CCT4: variants seen among roughly 807,000 people sequenced by gnomAD.
CCT4 encodes the protein chaperonin containing TCP1 subunit 4.
A neutral mutation model predicts 62.5 loss-of-function variants in CCT4; 17 were observed. The observed-to-expected ratio is 0.27, with a 90% CI of 0.19 to 0.41. The LOEUF is 0.41. Among genes scored for constraint, CCT4 ranks in the 10% least tolerant of loss-of-function variants. The pLI is 1.00. For missense variants in CCT4, 592 were observed against 659.2 expected (o/e 0.90, Z 1.12); for synonymous variants, 250 against 229.9 (o/e 1.09, Z -0.79).
intron 3 of CCT4, among the ~76,000 whole-genome samples, chr2:61,881,936 C>CTT (rs10582574): frequency 2.1e-5 from 3 of 141,806 alleles, no homozygotes; most frequent in Admixed American, 7.1e-5. Context: ...ATAGAAGTTC[C>CTT]TTTTTTTTTT....
rs1214663473 is a variant in CCT4 at position 61,872,199 on chromosome 2, C to T, written c.1374G>A (p.Met458Ile). 2 of 1,613,922 alleles carry T rather than the reference C, an allele frequency of 1.2e-6. No individual in the cohort carries two copies. Among genetic ancestry groups the T allele is most frequent in the Non-Finnish European group, 1.7e-6 (2 of 1,179,856 alleles). Residue 458 changes from methionine to isoleucine, a missense_variant, in exon 12 of 14, where the codon ATG (methionine) becomes ATA (isoleucine). Physicochemically the swap from Met to Ile is conservative, Grantham distance 10. Coordinates refer to ENST00000394440, the MANE Select transcript of CCT4 (RefSeq NM_006430.4). ...SYCVRAFADA[M>I]EVIPSTLAEN... is the part of the protein sequence containing the mutation. ...CAGCTAGTGTAGATGGAATGACCTC[C>T]ATAGCATCTGCAAAAGCACGAACGC... is the stretch of plus-strand genomic sequence containing the variant.
intron 12 of CCT4, 75 bp downstream of exon 12, chr2:61,872,007 A>G: frequency 9.8e-7 from 1 of 1,017,038 alleles, no homozygotes; most frequent in African/African-American, 1.6e-5. Context: ...AGAGCTTTCC[A>G]TTCAACAGAT....
chr2:61,873,121 AAC>A lies in CCT4; in HGVS notation c.1015-11_1015-10del, dbSNP rs759535015. ...GGCTTGGTTCCAATTGTCTGGAAAA[AAC>A]AGTCAAATCCACAAATTAAGACATT... On this transcript the variant is annotated splice_polypyrimidine_tract_variant and intron_variant, in intron 9 of 13. Transcript: ENST00000394440. 89 of 1,565,692 alleles carry A rather than the reference AAC, an allele frequency of 5.7e-5. No homozygotes were observed. In the Admixed American group the frequency reaches 6.7e-4, roughly 12 times the overall value.
intron 6 of CCT4, 100 bp from the exon 7 acceptor site, chr2:61,877,152 G>T: frequency 8.9e-7 from 1 of 1,117,506 alleles, no homozygotes; most frequent in South Asian, 1.5e-5. Context: ...AATAAAATAT[G>T]ATTCAGCCTC....
At chr2:61,881,733 T>C (rs1012687102) in intron 3 of CCT4, among the ~76,000 whole-genome samples, 1 of 152,140 alleles carries the variant, frequency 6.6e-6, no homozygotes, top group Non-Finnish European at 1.5e-5. Flanking sequence ...TTTTTCCTCA[T>C]AAAAATCTTC....
intron 2 of CCT4, among the ~76,000 whole-genome samples, chr2:61,884,307 CTTTT>C (rs1020446494): frequency 6.6e-5 from 10 of 151,280 alleles, no homozygotes; most frequent in African/African-American, 2.4e-4. Flanking sequence ...ACACTTTTTA[CTTTT>C]TTTTTGGTTT....
chr2:61,871,785 T>C (rs1180066458), intron 12 of CCT4, among the ~76,000 whole-genome samples: 2 of 152,232 alleles, frequency 1.3e-5, no homozygotes, highest in Non-Finnish European at 2.9e-5. Flanking sequence ...AACAGGCCTA[T>C]GAGGGAACTA....
In CCT4 at chr2:61,888,549, T is replaced by C. The variant is rs1364053195; in HGVS notation, c.-42A>G. 5 of 1,594,682 alleles carry C rather than the reference T, an allele frequency of 3.1e-6. No individual in the cohort carries two copies. The highest frequency in any genetic ancestry group is 1.1e-5 in the South Asian group (1 of 89,970). On this transcript the variant is annotated 5_prime_UTR_variant, in exon 1 of 14. Transcript: ENST00000394440. The stretch of plus-strand genomic sequence containing the variant: ...TCTGGGTTGGCTCGGGAAGGACGGA[T>C]GGACCCGGATTCTGGCCGGCCGCAG...
rs1669086952 is a variant in CCT4 at position 61,880,340 on chromosome 2, C to T, written c.325G>A (p.Val109Ile). ...DIEAGDGTTS[V>I]VIIAGSLLDS... ...AAGAGGGAGCCAGCAATGATGACTA[C>T]TGATGTGGTGCCATCTCCTGCTTCT... The change falls in exon 4 of 14, where the codon GTA becomes ATA. Residue 109 changes from valine to isoleucine, a missense_variant. Around this residue, in one of 3 missense-constraint regions of CCT4, gnomAD observed 522 missense variants for 571.2 expected, o/e 0.91. Coordinates refer to ENST00000394440, the MANE Select transcript of CCT4 (RefSeq NM_006430.4). The T allele has an allele frequency of 5.0e-6, 8 of 1,608,750 alleles. No homozygotes were observed. Among genetic ancestry groups the T allele is most frequent in the Non-Finnish European group, 5.9e-6 (7 of 1,178,596 alleles).
Position 61,869,073 on chromosome 2 carries a change from C to T in CCT4, c.1605+367G>A, listed in dbSNP as rs182223803. Among the ~76,000 whole-genome samples, 28 of 138,646 alleles carry T rather than the reference C, an allele frequency of 2.0e-4. No individual in the cohort carries two copies. The East Asian group carries it at 5.6e-3, about 28-fold the overall frequency. 91.0% of individuals were successfully genotyped at this position (138,646 alleles called of 152,430 possible). Reference sequence around the variant, plus strand: ...AAGAGAATCGCTTGAACCCAGGAGGCGGAGGTTGCAATGAGCCGAGATCAT... The same window carrying T: ...AAGAGAATCGCTTGAACCCAGGAGGTGGAGGTTGCAATGAGCCGAGATCAT... On this transcript the variant is annotated intron_variant, in intron 13 of 13. Coordinates refer to ENST00000394440, the MANE Select transcript of CCT4 (RefSeq NM_006430.4).
Position 61,876,263 on chromosome 2 carries a change from C to A in CCT4, c.778-29G>T, listed in dbSNP as rs922101450. 7 of 1,526,662 alleles carry A rather than the reference C, an allele frequency of 4.6e-6. No homozygotes were observed. In the African/African-American group the frequency reaches 8.3e-5, roughly 18 times the overall value. 94.6% of individuals were successfully genotyped at this position (1,526,662 alleles called of 1,614,324 possible). A position where few individuals can be genotyped will look rare whatever the true frequency, so the allele number is the denominator to read the frequency against. On this transcript the variant is annotated intron_variant, in intron 7 of 13. Transcript: ENST00000394440. Reference sequence around the variant, plus strand: ...TTCAGAAAAAGAACATCATAATTTGCATTGTAAGATATTTTAAGTTTAAAA... The same window carrying A: ...TTCAGAAAAAGAACATCATAATTTGAATTGTAAGATATTTTAAGTTTAAAA...
At chr2:61,870,301 A>C (rs989678712) in intron 12 of CCT4, among the ~76,000 whole-genome samples, 5 of 152,078 alleles carry the variant, frequency 3.3e-5, no homozygotes, top group African/African-American at 9.7e-5. Flanking sequence ...ACAAAATATT[A>C]TCTCTTTAAT....
chr2:61,869,408 C>T (rs776649519), intron 13 of CCT4, 32 bp downstream of exon 13: 1 of 1,216,960 alleles, frequency 8.2e-7, no homozygotes, highest in Non-Finnish European at 1.2e-6. Context: ...TTTTTGACCT[C>T]CTAAGAAAAT....
rs1668814026 is a variant in CCT4, at chr2:61,868,127, T to C, written c.*565A>G. Reference sequence around the variant, plus strand: ...TTGTTTAAGTAAGATTTGCTACATATATGTATACACTTTTATTTGCAGAAG... The same window carrying C: ...TTGTTTAAGTAAGATTTGCTACATACATGTATACACTTTTATTTGCAGAAG... On this transcript the variant is annotated 3_prime_UTR_variant, in exon 14 of 14. Transcript: ENST00000394440. 6.5e-6 allele frequency: 1 copy of C among 152,870 alleles called. No homozygotes were observed. The highest frequency in any genetic ancestry group is 2.1e-4 in the South Asian group (1 of 4,868). The allele number at this position is 152,870 out of a possible 1,614,324, so 9.5% of individuals were successfully genotyped here. A position where few individuals can be genotyped will look rare whatever the true frequency, so the allele number is the denominator to read the frequency against.
At chr2:61,875,239 A>T (rs1668973347) in intron 8 of CCT4, among the ~76,000 whole-genome samples, 1 of 151,944 alleles carries the variant, frequency 6.6e-6, no homozygotes, top group African/African-American at 2.4e-5. Context: ...TAAAAAAAAA[A>T]ATGCAGATTT....
rs1455380214 is a variant in CCT4 at position 61,888,503 on chromosome 2, G to A, written c.5C>T (p.Pro2Leu). The A allele has an allele frequency of 2.5e-6, 4 of 1,611,724 alleles. No individual in the cohort carries two copies. The African/African-American group carries it at 5.3e-5, about 21-fold the overall frequency. ...CCCGCTCCGGGGTGCCACATTCTCG[G>A]GCATGGCAAACTCCGCTGTGTCTGG... M[P>L]ENVAPRSGAT... Residue 2 changes from proline (P) to leucine (L), a missense_variant, in exon 1 of 14, where the codon CCC (proline) becomes CTC (leucine). Around this residue, in one of 3 missense-constraint regions of CCT4, gnomAD observed 67 missense variants for 71.1 expected, o/e 0.94. Coordinates refer to ENST00000394440, the MANE Select transcript of CCT4 (RefSeq NM_006430.4).
intron 5 of CCT4, among the ~76,000 whole-genome samples, 175 bp downstream of exon 5, chr2:61,878,694 T>C (rs1046980525): frequency 2.6e-5 from 4 of 152,226 alleles, no homozygotes; most frequent in Admixed American, 2.0e-4. Context: ...CCTAACTCCT[T>C]TGTTAGCCTT....
Position 61,872,168 on chromosome 2 carries a change from C to T in CCT4, c.1405G>A (p.Ala469Thr). 6.2e-7 allele frequency: 1 copy of T among 1,614,064 alleles called. No individual in the cohort carries two copies. The change falls in exon 12 of 14, where the codon GCC (alanine) becomes ACC (threonine). Residue 469 changes from alanine (A) to threonine (T), a missense_variant. Physicochemically the swap from Ala to Thr is moderately conservative, Grantham distance 58. Coordinates refer to ENST00000394440, the MANE Select transcript of CCT4 (RefSeq NM_006430.4). ...ACTGTAGAAATGGGATTCAGGCCGG[C>T]ATTTTCAGCTAGTGTAGATGGAATG... Reference protein sequence around the residue: ...EVIPSTLAENAGLNPISTVTE... With the variant: ...EVIPSTLAENTGLNPISTVTE...
At chr2:61,877,648 T>A in intron 5 of CCT4, 134 bp from the exon 6 acceptor site, 1 of 599,252 alleles carries the variant, frequency 1.7e-6, no homozygotes. Context: ...GAAACACTCA[T>A]GAGAAGACAG....
Sources: allele counts gnomAD v4.1 joint callset (sites outside exome capture counted in the v4.1 genomes callset), GRCh38; gene constraint gnomAD v4.1.1; regional missense constraint gnomAD v4.1.1; transcripts MANE v1.5; gene names NCBI Gene and HGNC (gene_info 2026-07-23, HGNC 2026-07-21).